FRMD4A: variants seen among roughly 807,000 people sequenced by gnomAD.
FRMD4A encodes FERM domain-containing protein 4A.
Under a neutral mutation model 129.1 loss-of-function variants are expected in FRMD4A, and 29 were observed. The observed-to-expected ratio is 0.22, with a 90% CI of 0.17 to 0.31. The LOEUF is 0.31. Among genes scored for constraint, FRMD4A ranks in the 10% least tolerant of loss-of-function variants. FRMD4A has a pLI of 1.00. For missense variants in FRMD4A, 1,272 were observed against 1,375.8 expected (o/e 0.92, Z 1.19); for synonymous variants, 634 against 571.6 (o/e 1.11, Z -1.56).
chr10:14,136,581 A>T (rs992615205), intron 2 of FRMD4A, among the ~76,000 whole-genome samples: 5 of 152,078 alleles, frequency 3.3e-5, no homozygotes, highest in Non-Finnish European at 7.4e-5. Flanking sequence ...TAAACTGTGT[A>T]CTCAGTGCAA....
chr10:14,118,701 G>A (rs1043576063), intron 2 of FRMD4A, among the ~76,000 whole-genome samples: 3 of 152,102 alleles, frequency 2.0e-5, no homozygotes, highest in African/African-American at 7.2e-5. Context: ...CTTGTGCAGG[G>A]GAACTCCCAT....
At chr10:13,856,397 G>T (rs1195627007) in intron 3 of FRMD4A, among the ~76,000 whole-genome samples, 1 of 152,018 alleles carries the variant, frequency 6.6e-6, no homozygotes, top group African/African-American at 2.4e-5. Flanking sequence ...CTGACCCTGG[G>T]CTAGGTACTG....
chr10:14,319,599 G>A (rs1846897316), intron 2 of FRMD4A, among the ~76,000 whole-genome samples: 1 of 152,140 alleles, frequency 6.6e-6, no homozygotes, highest in Non-Finnish European at 1.5e-5. Context: ...CCAAAGTCGA[G>A]GGAACATTGA....
At chr10:14,072,844 C>T (rs900502139) in intron 2 of FRMD4A, among the ~76,000 whole-genome samples, 1 of 152,254 alleles carries the variant, frequency 6.6e-6, no homozygotes, top group Non-Finnish European at 1.5e-5. Context: ...AGCAATAAAA[C>T]GTGCTTCCGG....
chr10:14,225,805 T>G (rs184286080), intron 2 of FRMD4A, among the ~76,000 whole-genome samples: 1 of 152,334 alleles, frequency 6.6e-6, no homozygotes, highest in East Asian at 1.9e-4. Flanking sequence ...TACCTGCCAG[T>G]TCGATTTCTC....
At chr10:14,118,753 G>A (rs1484345094) in intron 2 of FRMD4A, among the ~76,000 whole-genome samples, 1 of 152,118 alleles carries the variant, frequency 6.6e-6, no homozygotes, top group Non-Finnish European at 1.5e-5. Context: ...TTACTACAAC[G>A]AGAACAGTAC....
chr10:13,797,967 C>T (rs547073336), intron 4 of FRMD4A, among the ~76,000 whole-genome samples: 8 of 151,738 alleles, frequency 5.3e-5, no homozygotes, highest in Admixed American at 5.3e-4. Context: ...TGTGGCTATA[C>T]GGAAGACTTT....
Position 13,796,503 on chromosome 10 carries a change from A to G in FRMD4A, c.292T>C (p.Cys98Arg). 6.5e-7 allele frequency: 1 copy of G among 1,530,158 alleles called. No homozygotes were observed. The highest frequency in any genetic ancestry group is 9.1e-7 in the Non-Finnish European group (1 of 1,103,384). 94.8% of individuals were successfully genotyped at this position (1,530,158 alleles called of 1,614,324 possible). A position where few individuals can be genotyped will look rare whatever the true frequency, so the allele number is the denominator to read the frequency against. The part of the protein sequence containing the change: ...KKSGPVVLYF[C>R]VRFYIESISY... ...GACACCAGGTGTACATACCTGACAC[A>G]AAAGTATAAAACCACGGGTCCTGAC... Residue 98 changes from cysteine to arginine, a missense_variant, in exon 5 of 25, where the codon TGT becomes CGT. Around this residue, in one of 2 missense-constraint regions of FRMD4A, gnomAD observed 300 missense variants for 483.6 expected, o/e 0.62. Coordinates refer to ENST00000357447, the MANE Select transcript of FRMD4A (RefSeq NM_018027.5).
At chr10:14,012,419 C>A (rs1245047088) in intron 2 of FRMD4A, among the ~76,000 whole-genome samples, 1 of 152,042 alleles carries the variant, frequency 6.6e-6, no homozygotes, top group Non-Finnish European at 1.5e-5. Context: ...TCAGGAAAGT[C>A]AATGGTCTTG....
chr10:14,088,915 G>A (rs915746577), intron 2 of FRMD4A, among the ~76,000 whole-genome samples: 1 of 152,296 alleles, frequency 6.6e-6, no homozygotes, highest in Admixed American at 6.5e-5. Context: ...CTAAGGTGTG[G>A]AGGAGCAGGG....
At chr10:13,858,140 A>C (rs1006788890) in intron 3 of FRMD4A, among the ~76,000 whole-genome samples, 1 of 152,206 alleles carries the variant, frequency 6.6e-6, no homozygotes, top group Non-Finnish European at 1.5e-5. Flanking sequence ...AAAAGAAAAG[A>C]ACAAACCTTT....
At chr10:14,037,810 T>TA (rs1224820824) in intron 2 of FRMD4A, among the ~76,000 whole-genome samples, 6 of 152,164 alleles carry the variant, frequency 3.9e-5, no homozygotes, top group African/African-American at 1.4e-4. Context: ...CTGTGATGGG[T>TA]AAAAAATGGC....
intron 2 of FRMD4A, among the ~76,000 whole-genome samples, chr10:13,978,251 C>T (rs1427690988): frequency 1.3e-5 from 2 of 152,066 alleles, no homozygotes; most frequent in Non-Finnish European, 2.9e-5. Context: ...AGGGTGGAGG[C>T]AGCAACAGAA....
chr10:14,259,149 C>T (rs926546673), intron 2 of FRMD4A, among the ~76,000 whole-genome samples: 1 of 152,108 alleles, frequency 6.6e-6, no homozygotes, highest in African/African-American at 2.4e-5. Flanking sequence ...GTTTACTATA[C>T]ATTAATTATG....
intron 2 of FRMD4A, among the ~76,000 whole-genome samples, chr10:14,295,938 C>T (rs753215285): frequency 1.3e-5 from 2 of 152,044 alleles, no homozygotes; most frequent in Non-Finnish European, 2.9e-5. Flanking sequence ...CGATCTTTTT[C>T]GAAATGCCAT....
At chr10:14,175,167 T>A (rs1330068579) in intron 2 of FRMD4A, among the ~76,000 whole-genome samples, 1 of 152,178 alleles carries the variant, frequency 6.6e-6, no homozygotes, top group Non-Finnish European at 1.5e-5. Context: ...GCTACACACA[T>A]CTATGCCATC....
chr10:14,169,727 C>T (rs954060818), intron 2 of FRMD4A, among the ~76,000 whole-genome samples: 14 of 152,168 alleles, frequency 9.2e-5, no homozygotes, highest in African/African-American at 1.2e-4. Flanking sequence ...TATCAGCAAA[C>T]ATTTCCTTGA....
intron 2 of FRMD4A, among the ~76,000 whole-genome samples, chr10:14,146,104 T>C (rs1203270150): frequency 1.3e-5 from 2 of 152,192 alleles, no homozygotes; most frequent in African/African-American, 4.8e-5. Flanking sequence ...CTCAATTTCC[T>C]CATCTCTTAA....
At chr10:13,836,174 T>C (rs2093871206) in intron 3 of FRMD4A, among the ~76,000 whole-genome samples, 1 of 152,174 alleles carries the variant, frequency 6.6e-6, no homozygotes, top group Admixed American at 6.5e-5. Context: ...ATTTCTGTAT[T>C]TGTAGTAGAG....
Sources: allele counts gnomAD v4.1 joint callset (sites outside exome capture counted in the v4.1 genomes callset), GRCh38; gene constraint gnomAD v4.1.1; regional missense constraint gnomAD v4.1.1; transcripts MANE v1.5; gene names NCBI Gene and HGNC (gene_info 2026-07-23, HGNC 2026-07-21).